The following ADCY2 variants were observed in gnomAD, a reference collection of about 807,000 sequenced individuals.
ADCY2 encodes adenylate cyclase type 2.
A neutral mutation model predicts 125.2 loss-of-function variants in ADCY2; 31 were observed. That is an observed-to-expected ratio of 0.25 (90% CI 0.19 to 0.33). The LOEUF (loss-of-function observed/expected upper bound fraction) is 0.33. Ranked by LOEUF, ADCY2 falls within the 10% of genes least tolerant of loss-of-function variation. ADCY2 has a pLI of 1.00. For synonymous variants in ADCY2, 512 were observed against 548.4 expected, an observed-to-expected ratio of 0.93 and a Z score of 0.93; for missense variants, 904 against 1,418.2, an observed-to-expected ratio of 0.64 and a Z score of 5.82.
chr5:7,704,748 T>G (rs150725781), intron 7 of ADCY2, among the ~76,000 whole-genome samples: 32 of 151,976 alleles, frequency 2.1e-4, no homozygotes, highest in East Asian at 5.9e-4. Flanking sequence ...CGGTTTGGCG[T>G]GCGCCTGTAA....
intron 3 of ADCY2, among the ~76,000 whole-genome samples, chr5:7,565,263 G>A (rs1308401947): frequency 6.6e-6 from 1 of 152,174 alleles, no homozygotes; most frequent in African/African-American, 2.4e-5. Flanking sequence ...GCCTTTCAAA[G>A]CACACATAAA....
chr5:7,563,827 G>A (rs1343308588), intron 3 of ADCY2, among the ~76,000 whole-genome samples: 1 of 152,158 alleles, frequency 6.6e-6, no homozygotes, highest in East Asian at 1.9e-4. Context: ...AGGACACTTA[G>A]TAACCTTGCA....
chr5:7,434,836 C>T (rs1162371946), intron 2 of ADCY2, among the ~76,000 whole-genome samples: 2 of 152,206 alleles, frequency 1.3e-5, no homozygotes, highest in South Asian at 2.1e-4. Context: ...AGCCAAGACT[C>T]TTTCAGCGTC....
chr5:7,397,228 C>T (rs1739084176), intron 1 of ADCY2, among the ~76,000 whole-genome samples: 1 of 152,114 alleles, frequency 6.6e-6, no homozygotes, highest in African/African-American at 2.4e-5. Context: ...TGGATTTCAT[C>T]ACGAGGAGTA....
Position 7,693,511 on chromosome 5 carries a change from C to T in ADCY2, c.870-2241C>T, listed in dbSNP as rs148101427. On this transcript the variant is annotated intron_variant, in intron 5 of 24. Transcript: ENST00000338316. ...TCGGCTCACTGCAACCTCCGCCTGC[C>T]GGGTTCAAGCAATTCTCCTGCCTCA... Among the ~76,000 whole-genome samples, 488 of 150,478 alleles carry T rather than the reference C, an allele frequency of 3.2e-3. 4 individuals are homozygous for T. Among genetic ancestry groups the T allele is most frequent in the African/African-American group, 0.011 (469 of 40,858 alleles).
At chr5:7,712,752 G>T in intron 10 of ADCY2, 104 bp from the exon 11 acceptor site, 2 of 774,494 alleles carry the variant, frequency 2.6e-6, no homozygotes, top group East Asian at 5.3e-5. Context: ...TTAGTTAAAT[G>T]TTACTGTCCA....
intron 15 of ADCY2, 150 bp from the exon 16 acceptor site, chr5:7,757,299 T>TC: frequency 2.0e-6 from 2 of 977,914 alleles, no homozygotes; most frequent in Admixed American, 4.9e-5. Flanking sequence ...GGTTTGTGAC[T>TC]TCGTATGGGT....
intron 15 of ADCY2, among the ~76,000 whole-genome samples, chr5:7,756,856 T>C (rs912833670): frequency 8.5e-5 from 13 of 152,144 alleles, no homozygotes; most frequent in African/African-American, 3.1e-4. Context: ...AAAAATTGTT[T>C]GGAGGGAAAA....
At chr5:7,788,581 A>G (rs1744155776) in intron 19 of ADCY2, among the ~76,000 whole-genome samples, 1 of 152,240 alleles carries the variant, frequency 6.6e-6, no homozygotes, top group Non-Finnish European at 1.5e-5. Context: ...AGTTTTCCTA[A>G]TGTATGACAG....
At position 7,717,269 on chromosome 5, in the gene ADCY2, A is replaced by G. The variant is rs201998367; in HGVS notation, c.1703+32A>G. Reference sequence around the variant, plus strand: ...ACTTCTTTCTCTTAAATTATCTTTCATCTTTTATTATGTTCCAGTTGTATT... The same window carrying G: ...ACTTCTTTCTCTTAAATTATCTTTCGTCTTTTATTATGTTCCAGTTGTATT... On this transcript the variant is annotated intron_variant, in intron 12 of 24. Transcript: ENST00000338316. 4.0e-5 allele frequency: 59 copies of G among 1,488,640 alleles called. No homozygotes were observed. The East Asian group carries it at 1.3e-3, about 34-fold the overall frequency. The allele number at this position is 1,488,640 out of a possible 1,614,324, so 92.2% of individuals were successfully genotyped here. A position where few individuals can be genotyped will look rare whatever the true frequency, so the allele number is the denominator to read the frequency against.
At chr5:7,518,198 C>T (rs1185691987) in intron 2 of ADCY2, among the ~76,000 whole-genome samples, 3 of 152,160 alleles carry the variant, frequency 2.0e-5, no homozygotes, top group Non-Finnish European at 4.4e-5. Flanking sequence ...AGGATCTGCA[C>T]AGCACACCAC....
At chr5:7,766,889 T>A in intron 17 of ADCY2, 83 bp downstream of exon 17, 1 of 1,498,852 alleles carries the variant, frequency 6.7e-7, no homozygotes. Context: ...TAGTCTCAGA[T>A]CTGTTCTAGA....
intron 22 of ADCY2, among the ~76,000 whole-genome samples, chr5:7,806,315 A>G (rs1187317836): frequency 6.7e-6 from 1 of 150,306 alleles, no homozygotes; most frequent in African/African-American, 2.5e-5. Context: ...TTGACCATTA[A>G]AAAAAAAATA....
At chr5:7,482,784 A>G (rs1037174004) in intron 2 of ADCY2, among the ~76,000 whole-genome samples, 3 of 143,328 alleles carry the variant, frequency 2.1e-5, no homozygotes, top group Admixed American at 1.4e-4. Flanking sequence ...ATATATATAT[A>G]TATATATACA....
rs558937143 is a variant in ADCY2 at position 7,793,272 on chromosome 5, C to T, written c.2628+3472C>T. ...GACCAGTCTGGCCAACATAGTGAAACCCTGTATCTACTAAAAATACAAAAA... is the reference window on the plus strand; with the variant it reads ...GACCAGTCTGGCCAACATAGTGAAATCCTGTATCTACTAAAAATACAAAAA... On this transcript the variant is annotated intron_variant, in intron 20 of 24. Coordinates refer to ENST00000338316, the MANE Select transcript of ADCY2 (RefSeq NM_020546.3). 2.0e-5 allele frequency among the ~76,000 whole-genome samples: 3 copies of T among 152,284 alleles called. No homozygotes were observed. In the East Asian group the frequency reaches 5.8e-4, roughly 29 times the overall value.
intron 18 of ADCY2, 94 bp downstream of exon 18, chr5:7,773,195 A>G: frequency 7.9e-7 from 1 of 1,261,586 alleles, no homozygotes; most frequent in South Asian, 1.5e-5. Flanking sequence ...TAGCGATGTC[A>G]TTGTCATTGA....
chr5:7,449,772 A>G (rs957960337), intron 2 of ADCY2, among the ~76,000 whole-genome samples: 8 of 152,316 alleles, frequency 5.3e-5, no homozygotes, highest in South Asian at 2.1e-4. Context: ...CTGTGTCAAC[A>G]AAGTCTGTTG....
rs148649740 is a variant in ADCY2 at position 7,731,282 on chromosome 5, G to C, written c.1871+4021G>C. Among the ~76,000 whole-genome samples, 239 of 130,086 alleles carry C rather than the reference G, an allele frequency of 1.8e-3. 1 individual carries two copies. The highest frequency in any genetic ancestry group is 6.5e-3 in the African/African-American group (225 of 34,478). The allele number at this position is 130,086 out of a possible 152,430, so 85.3% of individuals were successfully genotyped here. ...TTTTTTTTTTTTTTGATGGAGTCTT[G>C]CTCTGTCACCCAGGCTAGAGTGCAG... is the stretch of plus-strand genomic sequence containing the variant. On this transcript the variant is annotated intron_variant, in intron 14 of 24. Coordinates refer to ENST00000338316, the MANE Select transcript of ADCY2 (RefSeq NM_020546.3).
At chr5:7,547,899 A>G (rs941818632) in intron 3 of ADCY2, among the ~76,000 whole-genome samples, 3 of 152,212 alleles carry the variant, frequency 2.0e-5, no homozygotes, top group African/African-American at 7.2e-5. Flanking sequence ...GGTGAAGCCC[A>G]TGGACAGCAT....
Sources: gnomAD v4.1 joint callset for allele counts (sites outside exome capture counted in the v4.1 genomes callset) on GRCh38, gnomAD v4.1.1 for gene constraint, MANE v1.5 for transcripts, NCBI Gene and HGNC (gene_info 2026-07-23, HGNC 2026-07-21) for gene names.